Variants in SPON1 observed in about 807,000 individuals in gnomAD.
SPON1 encodes the protein spondin 1, also known as spondin-1.
In SPON1, 52 loss-of-function variants were observed where a neutral mutation model predicts 111.7. The ratio of observed to expected loss-of-function variants is 0.47; its 90% CI spans 0.37 to 0.59. The LOEUF is 0.59. Among genes scored for constraint, SPON1 ranks in the 20% least tolerant of loss-of-function variants. The pLI is 0.00. For synonymous variants in SPON1, 410 were observed against 395.8 expected (o/e 1.04, Z -0.43); for missense variants, 957 against 1,068.5 (o/e 0.90, Z 1.46).
chr11:13,963,418 A>G (rs2618492), intron 1 of SPON1, among the ~76,000 whole-genome samples: 127,457 of 152,196 alleles, frequency 0.84, 53,566 homozygotes, highest in East Asian at 0.97. Context: ...ACTGAGCCAC[A>G]CGTCACGCCG....
At chr11:14,053,304 C>G (rs1848721206) in intron 3 of SPON1, among the ~76,000 whole-genome samples, 1 of 152,136 alleles carries the variant, frequency 6.6e-6, no homozygotes, top group African/African-American at 2.4e-5. Flanking sequence ...CCCCATTCTC[C>G]TCTCCCCACC....
chr11:14,115,973 G>T (rs561013334), intron 5 of SPON1, among the ~76,000 whole-genome samples: 1 of 152,140 alleles, frequency 6.6e-6, no homozygotes, highest in Admixed American at 6.5e-5. Flanking sequence ...GTGATATCAC[G>T]TTGGGATTTT....
chr11:13,980,747 A>C (rs1393739411), intron 1 of SPON1, among the ~76,000 whole-genome samples: 1 of 152,214 alleles, frequency 6.6e-6, no homozygotes, highest in African/African-American at 2.4e-5. Flanking sequence ...TTTAAAGTTT[A>C]AAAACTTAAT....
At chr11:13,972,203 A>G (rs1299698972) in intron 1 of SPON1, among the ~76,000 whole-genome samples, 1 of 152,130 alleles carries the variant, frequency 6.6e-6, no homozygotes, top group Non-Finnish European at 1.5e-5. Flanking sequence ...CTTGTCCTGG[A>G]CATTGTGGTT....
intron 2 of SPON1, among the ~76,000 whole-genome samples, chr11:14,026,688 G>A (rs1194511206): frequency 6.6e-6 from 1 of 152,220 alleles, no homozygotes. Context: ...CAGGGAGGTT[G>A]AGAAAGAAAA....
chr11:14,065,434 C>T (rs1251142471), intron 3 of SPON1, among the ~76,000 whole-genome samples: 1 of 152,208 alleles, frequency 6.6e-6, no homozygotes, highest in Non-Finnish European at 1.5e-5. Context: ...TGATTACACC[C>T]ACGCCCAGCC....
Position 14,135,973 on chromosome 11 carries a change from T to G in SPON1, c.825+405T>G, listed in dbSNP as rs1847586770. Among the ~76,000 whole-genome samples the G allele has an allele frequency of 6.6e-6, 1 of 152,216 alleles. No individual in the cohort carries two copies. The highest frequency in any genetic ancestry group is 6.5e-5 in the Admixed American group (1 of 15,284). On this transcript the variant is annotated intron_variant, in intron 6 of 15. Transcript: ENST00000576479. This position sits in a 1 kb window ranked among gnomAD's most constrained non-coding sequence, Gnocchi z 4.4. ...AGTATTGGCACGTGCTTTTTGCAAC[T>G]ATGTCTTGAGGTACTTGATAAATTA... is the stretch of plus-strand genomic sequence containing the variant.
chr11:14,206,859 C>T (rs1232914294), intron 6 of SPON1, among the ~76,000 whole-genome samples: 6 of 151,986 alleles, frequency 3.9e-5, no homozygotes, highest in African/African-American at 1.2e-4. Context: ...ACCACTGAGA[C>T]TCTTCACAGA....
intron 1 of SPON1, among the ~76,000 whole-genome samples, chr11:13,964,669 A>C (rs1248166766): frequency 6.6e-6 from 1 of 152,166 alleles, no homozygotes; most frequent in Non-Finnish European, 1.5e-5. Context: ...TTCTGGGCGG[A>C]GAACACCCCG....
intron 6 of SPON1, among the ~76,000 whole-genome samples, chr11:14,186,991 G>C (rs1455209202): frequency 6.6e-6 from 1 of 152,178 alleles, no homozygotes; most frequent in Non-Finnish European, 1.5e-5. Context: ...AATTTATAAA[G>C]AAAAGATATT....
At chr11:14,056,939 G>C (rs1388498270) in intron 3 of SPON1, among the ~76,000 whole-genome samples, 1 of 151,992 alleles carries the variant, frequency 6.6e-6, no homozygotes, top group East Asian at 1.9e-4. Context: ...ATCAAGACAG[G>C]AGGAAGATCT....
chr11:14,234,983 C>T (rs980790376), intron 6 of SPON1, among the ~76,000 whole-genome samples: 9 of 152,166 alleles, frequency 5.9e-5, no homozygotes, highest in African/African-American at 1.2e-4. Context: ...CACTTATGAA[C>T]GGCCAGCCAG....
At chr11:14,158,685 G>C (rs1365211419) in intron 6 of SPON1, among the ~76,000 whole-genome samples, 1 of 152,164 alleles carries the variant, frequency 6.6e-6, no homozygotes, top group African/African-American at 2.4e-5. Flanking sequence ...AGTCCTGGCT[G>C]CATTGAGACC....
intron 6 of SPON1, among the ~76,000 whole-genome samples, chr11:14,196,531 A>G (rs1848404302): frequency 6.6e-6 from 1 of 152,250 alleles, no homozygotes; most frequent in Admixed American, 6.5e-5. Context: ...AAACATTTGT[A>G]GAAGGACAGA....
In SPON1 at chr11:14,223,811, A is replaced by G. The variant is rs961512173; in HGVS notation, c.826-19521A>G. Among the ~76,000 whole-genome samples the G allele has an allele frequency of 4.6e-5, 7 of 152,202 alleles. No individual in the cohort carries two copies. The South Asian group carries it at 6.2e-4, about 14-fold the overall frequency. On this transcript the variant is annotated intron_variant, in intron 6 of 15. Coordinates refer to ENST00000576479, the MANE Select transcript of SPON1 (RefSeq NM_006108.4). The stretch of plus-strand genomic sequence containing the variant: ...GCTAGGTGCCCTGCCACTGGGTCTT[A>G]TCTGGGTCACAAAATAGCCAAGTGA...
chr11:14,233,597 A>C (rs1177584774), intron 6 of SPON1, among the ~76,000 whole-genome samples: 3 of 152,062 alleles, frequency 2.0e-5, no homozygotes, highest in Non-Finnish European at 2.9e-5. Context: ...TATCCCTTAA[A>C]TATTCCCTGC....
At chr11:14,233,851 C>A (rs983678237) in intron 6 of SPON1, among the ~76,000 whole-genome samples, 14 of 150,870 alleles carry the variant, frequency 9.3e-5, no homozygotes, top group African/African-American at 3.2e-4. Context: ...CGACCTCTGC[C>A]TCCTGAGTTC....
intron 5 of SPON1, among the ~76,000 whole-genome samples, chr11:14,090,562 C>CT (rs564140609): frequency 7.0e-4 from 106 of 151,960 alleles, no homozygotes; most frequent in South Asian, 3.7e-3. Flanking sequence ...AGCTGCAGAC[C>CT]TTTGTGGTGA....
intron 1 of SPON1, among the ~76,000 whole-genome samples, chr11:13,964,416 G>T (rs1451774139): frequency 6.6e-6 from 1 of 152,088 alleles, no homozygotes; most frequent in Non-Finnish European, 1.5e-5. Flanking sequence ...GAGCAACACA[G>T]GAGAAAGTCT....
Sources: gnomAD v4.1 joint callset for allele counts (sites outside exome capture counted in the v4.1 genomes callset) on GRCh38, gnomAD v4.1.1 for gene constraint, Gnocchi (gnomAD v3.1) non-coding constraint, MANE v1.5 for transcripts, NCBI Gene and HGNC (gene_info 2026-07-23, HGNC 2026-07-21) for gene names.